The following CADM1 variants were observed in gnomAD, a reference collection of about 807,000 sequenced individuals.
CADM1 encodes TSLC-1.
CADM1 carries 15 observed loss-of-function variants against 53.1 expected under a neutral mutation model. The observed-to-expected ratio is 0.28, with a 90% confidence interval of 0.19 to 0.44. The LOEUF is 0.44. CADM1 is among the 20% of genes least tolerant of loss of function. The probability of loss-of-function intolerance (pLI) is 1.00; values close to 1 mark genes in which losing one functional copy is unlikely to be tolerated. For missense variants in CADM1, 434 were observed against 611.3 expected (o/e 0.71, Z 3.06); for synonymous variants, 281 against 243.0 (o/e 1.16, Z -1.45).
chr11:115,471,436 A>G (rs1307344222), intron 1 of CADM1, among the ~76,000 whole-genome samples: 1 of 152,226 alleles, frequency 6.6e-6, no homozygotes, highest in Non-Finnish European at 1.5e-5. Flanking sequence ...AAGGAGATGC[A>G]GGTATTCAAA....
At chr11:115,184,647 T>C (rs1008339669) in intron 10 of CADM1, among the ~76,000 whole-genome samples, 1 of 152,222 alleles carries the variant, frequency 6.6e-6, no homozygotes, top group Admixed American at 6.5e-5. Context: ...GACTCCCATA[T>C]AGCATCCCAG....
chr11:115,222,957 G>T (rs528282218), intron 5 of CADM1, among the ~76,000 whole-genome samples: 1 of 152,134 alleles, frequency 6.6e-6, no homozygotes, highest in African/African-American at 2.4e-5. Context: ...TAACAAGAGA[G>T]GGGTTTTTTT....
chr11:115,268,191 C>T (rs1943200660), intron 1 of CADM1, among the ~76,000 whole-genome samples: 1 of 152,120 alleles, frequency 6.6e-6, no homozygotes, highest in East Asian at 1.9e-4. Flanking sequence ...TAAGAGAGTG[C>T]CCAGAATTAT....
At chr11:115,483,178 TA>T (rs1233632626) in intron 1 of CADM1, among the ~76,000 whole-genome samples, 1 of 152,224 alleles carries the variant, frequency 6.6e-6, no homozygotes. Context: ...ACGTTCAGTA[TA>T]AAAAGATTAG....
intron 8 of CADM1, among the ~76,000 whole-genome samples, chr11:115,199,413 G>A (rs543105355): frequency 2.0e-4 from 31 of 152,026 alleles, no homozygotes; most frequent in Non-Finnish European, 4.3e-4. Context: ...AATGTATTTT[G>A]TCTTTTTCTT....
intron 1 of CADM1, among the ~76,000 whole-genome samples, chr11:115,261,528 A>G (rs1448695054): frequency 6.6e-6 from 1 of 152,184 alleles, no homozygotes; most frequent in Non-Finnish European, 1.5e-5. Flanking sequence ...TCATTTTCAT[A>G]TGTTGAAGGG....
intron 8 of CADM1, among the ~76,000 whole-genome samples, chr11:115,208,953 C>A (rs1160530304): frequency 2.0e-5 from 3 of 152,172 alleles, no homozygotes; most frequent in Non-Finnish European, 4.4e-5. Context: ...GAGTTAGAAC[C>A]ACAGTGGCTG....
Position 115,342,527 on chromosome 11 carries a change from A to C in CADM1, c.125-102107T>G, listed in dbSNP as rs1371328907. On this transcript the variant is annotated intron_variant, in intron 1 of 11. Coordinates refer to ENST00000331581, the MANE Select transcript of CADM1 (RefSeq NM_001301043.2). Reference sequence around the variant, plus strand: ...GGCTAGTATATGCACTTAAACCCTAAGGCCCCAGTGACAGAAATGGCCATA... The same window carrying C: ...GGCTAGTATATGCACTTAAACCCTACGGCCCCAGTGACAGAAATGGCCATA... Among the ~76,000 whole-genome samples, 3 of 152,136 alleles carry C rather than the reference A, an allele frequency of 2.0e-5. No homozygotes were observed. The East Asian group carries it at 5.8e-4, about 29-fold the overall frequency.
Position 115,373,371 on chromosome 11 carries a change from G to A in CADM1, c.124+130900C>T, listed in dbSNP as rs1946355857. ...AGGCTGAGGCAGGTGAATTACTTGA[G>A]GTCAGGAGCTCTAGACCAGCCTGGC... is the stretch of plus-strand genomic sequence containing the variant. On this transcript the variant is annotated intron_variant, in intron 1 of 11. Transcript: ENST00000331581. Among the ~76,000 whole-genome samples the A allele has an allele frequency of 2.0e-5, 3 of 152,102 alleles. No homozygotes were observed. In the South Asian group the frequency reaches 6.2e-4, roughly 32 times the overall value.
At chr11:115,286,882 G>C (rs370386333) in intron 1 of CADM1, among the ~76,000 whole-genome samples, 3 of 152,290 alleles carry the variant, frequency 2.0e-5, no homozygotes, top group African/African-American at 7.2e-5. Context: ...AGAACAGAAG[G>C]AAAGTGCATT....
intron 1 of CADM1, among the ~76,000 whole-genome samples, chr11:115,412,820 C>T (rs1319426509): frequency 1.3e-5 from 2 of 152,154 alleles, no homozygotes; most frequent in Non-Finnish European, 2.9e-5. Flanking sequence ...CTAAAGACAG[C>T]TAATAAACAG....
chr11:115,490,332 A>G (rs1453805558), intron 1 of CADM1, among the ~76,000 whole-genome samples: 1 of 149,542 alleles, frequency 6.7e-6, no homozygotes, highest in African/African-American at 2.4e-5. Flanking sequence ...CATTGGATGG[A>G]TGGTGGTACC....
chr11:115,331,738 AT>A (rs1467184421), intron 1 of CADM1, among the ~76,000 whole-genome samples: 10 of 152,116 alleles, frequency 6.6e-5, no homozygotes, highest in Non-Finnish European at 1.0e-4. Flanking sequence ...AGGAAAAAAA[AT>A]GGGTACAAAG....
At chr11:115,432,599 C>T (rs1383234750) in intron 1 of CADM1, among the ~76,000 whole-genome samples, 2 of 152,264 alleles carry the variant, frequency 1.3e-5, no homozygotes, top group African/African-American at 2.4e-5. Context: ...AGTAGCTCTG[C>T]CCATCACTTG....
intron 1 of CADM1, among the ~76,000 whole-genome samples, chr11:115,491,888 T>C (rs1949505300): frequency 6.6e-6 from 1 of 151,884 alleles, no homozygotes; most frequent in Admixed American, 6.6e-5. Context: ...CACTCATAGG[T>C]GGGAATTGAA....
At chr11:115,350,853 T>C (rs1449159981) in intron 1 of CADM1, among the ~76,000 whole-genome samples, 1 of 151,452 alleles carries the variant, frequency 6.6e-6, no homozygotes, top group Non-Finnish European at 1.5e-5. Context: ...ATCTGGAAAG[T>C]CACGTTTAAA....
At chr11:115,455,072 C>T (rs1293947966) in intron 1 of CADM1, among the ~76,000 whole-genome samples, 1 of 152,090 alleles carries the variant, frequency 6.6e-6, no homozygotes, top group Non-Finnish European at 1.5e-5. Flanking sequence ...TGGAAAAAGC[C>T]TCAAAGGAGT....
intron 1 of CADM1, among the ~76,000 whole-genome samples, chr11:115,285,325 T>A (rs1943702853): frequency 6.6e-6 from 1 of 152,216 alleles, no homozygotes; most frequent in Admixed American, 6.5e-5. Context: ...ATATGTAAAC[T>A]TCGTTGTGTA....
rs1939022401 is a variant in CADM1, at chr11:115,176,262, A to C, written c.*212T>G. The C allele has an allele frequency of 7.5e-7, 1 of 1,335,330 alleles. No homozygotes were observed. Among genetic ancestry groups the C allele is most frequent in the African/African-American group, 1.5e-5 (1 of 67,164 alleles). The allele number at this position is 1,335,330 out of a possible 1,614,324, so 82.7% of individuals were successfully genotyped here. A position where few individuals can be genotyped will look rare whatever the true frequency, so the allele number is the denominator to read the frequency against. On this transcript the variant is annotated 3_prime_UTR_variant, in exon 12 of 12. Transcript: ENST00000331581. ...GGAAGAAATAAAAATTAAACAAACAAACAAACGAAAAAAGAGGTGTCAAAC... is the reference window on the plus strand; with the variant it reads ...GGAAGAAATAAAAATTAAACAAACACACAAACGAAAAAAGAGGTGTCAAAC...
Sources: allele counts gnomAD v4.1 joint callset (sites outside exome capture counted in the v4.1 genomes callset), GRCh38; gene constraint gnomAD v4.1.1; transcripts MANE v1.5; gene names NCBI Gene and HGNC (gene_info 2026-07-23, HGNC 2026-07-21).